The following ZMYND11 variants were observed in gnomAD, a reference collection of about 807,000 sequenced individuals.
ZMYND11 encodes the protein zinc finger MYND-type containing 11.
ZMYND11 carries 9 observed loss-of-function variants against 84.9 expected under a neutral mutation model. The observed-to-expected ratio is 0.11, with a 90% CI of 0.06 to 0.18. ZMYND11 has a LOEUF of 0.18. Among genes scored for constraint, ZMYND11 ranks in the 10% least tolerant of loss-of-function variants. The pLI, the probability that ZMYND11 is intolerant of heterozygous loss-of-function variation, is 1.00. For missense variants in ZMYND11, 409 were observed against 761.0 expected, an observed-to-expected ratio of 0.54 and a Z score of 5.44; for synonymous variants, 250 against 244.1, an observed-to-expected ratio of 1.02 and a Z score of -0.23.
At chr10:142,837 G>A (rs985238076) in intron 1 of ZMYND11, among the ~76,000 whole-genome samples, 8 of 152,116 alleles carry the variant, frequency 5.3e-5, no homozygotes, top group African/African-American at 1.7e-4. Flanking sequence ...CCAACTCACC[G>A]GTAATGACAG....
intron 1 of ZMYND11, among the ~76,000 whole-genome samples, chr10:179,672 A>G (rs1332365429): frequency 6.6e-6 from 1 of 152,208 alleles, no homozygotes; most frequent in Non-Finnish European, 1.5e-5. Context: ...ATGAAGTTTT[A>G]TCTTGGAGTA....
At chr10:246,501 T>C (rs1225243482) in intron 10 of ZMYND11, among the ~76,000 whole-genome samples, 1 of 152,240 alleles carries the variant, frequency 6.6e-6, no homozygotes. Flanking sequence ...CTGAGAACTT[T>C]TGTCGACTGT....
intron 1 of ZMYND11, among the ~76,000 whole-genome samples, chr10:140,969 T>C (rs180670971): frequency 6.6e-6 from 1 of 151,970 alleles, no homozygotes. Context: ...TGTATCAGAG[T>C]TTTAAAGGAA....
intron 1 of ZMYND11, among the ~76,000 whole-genome samples, chr10:144,016 A>AAC (rs1176238274): frequency 2.0e-5 from 3 of 151,804 alleles, no homozygotes; most frequent in Non-Finnish European, 4.4e-5. Flanking sequence ...TTAAAAAAAA[A>AAC]AAAAACTGCC....
intron 2 of ZMYND11, among the ~76,000 whole-genome samples, chr10:206,015 T>G (rs559858200): frequency 1.5e-5 from 2 of 133,968 alleles, no homozygotes; most frequent in African/African-American, 6.9e-5. Context: ...CCTAAGGTTG[T>G]TTTTTTTTTT....
chr10:191,509 A>G (rs1270106985), intron 2 of ZMYND11, among the ~76,000 whole-genome samples: 1 of 152,188 alleles, frequency 6.6e-6, no homozygotes, highest in Non-Finnish European at 1.5e-5. Flanking sequence ...CACGTGTTGG[A>G]ATTGGGAAGA....
intron 1 of ZMYND11, among the ~76,000 whole-genome samples, chr10:149,255 A>G (rs1349808827): frequency 6.6e-6 from 1 of 151,290 alleles, no homozygotes; most frequent in Non-Finnish European, 1.5e-5. Flanking sequence ...TGGCCTGGGA[A>G]TTGCTGTGAG....
chr10:248,265 A>C (rs954623301), intron 12 of ZMYND11, 71 bp from the exon 13 acceptor site: 96 of 1,541,450 alleles, frequency 6.2e-5, no homozygotes, highest in Non-Finnish European at 8.4e-5. Context: ...TTTTTATCCG[A>C]ATGGGGTAGT....
chr10:152,755 A>G (rs1421849625), intron 1 of ZMYND11, among the ~76,000 whole-genome samples: 1 of 152,230 alleles, frequency 6.6e-6, no homozygotes, highest in Non-Finnish European at 1.5e-5. Context: ...TCAACAGAAT[A>G]TGCATTCTTC....
intron 2 of ZMYND11, 112 bp from the exon 3 acceptor site, chr10:209,777 C>A: frequency 2.0e-6 from 2 of 1,022,222 alleles, no homozygotes. Flanking sequence ...CTCAACAGGA[C>A]TCTCATAAAT....
intron 4 of ZMYND11, among the ~76,000 whole-genome samples, chr10:231,537 G>A (rs1949017960): frequency 6.6e-6 from 1 of 152,100 alleles, no homozygotes; most frequent in African/African-American, 2.4e-5. Flanking sequence ...TACTAATAAA[G>A]GTATTCAGTC....
At position 213,718 on chromosome 10, in the gene ZMYND11, A is replaced by C. The variant is rs145917227; in HGVS notation, c.276+3670A>C. 2.6e-3 allele frequency among the ~76,000 whole-genome samples: 391 copies of C among 152,246 alleles called. 3 individuals carry two copies. Among genetic ancestry groups the C allele is most frequent in the African/African-American group, 9.0e-3 (374 of 41,548 alleles). ...CCTGAGATACTTTGTATCAGCAAAGAGTCTGGACTCTTGTCTTCAATTCCA... is the reference window on the plus strand; with the variant it reads ...CCTGAGATACTTTGTATCAGCAAAGCGTCTGGACTCTTGTCTTCAATTCCA... On this transcript the variant is annotated intron_variant, in intron 3 of 14. Transcript: ENST00000381604.
chr10:156,526 T>G (rs558195963), intron 1 of ZMYND11, among the ~76,000 whole-genome samples: 1 of 152,366 alleles, frequency 6.6e-6, no homozygotes, highest in South Asian at 2.1e-4. Context: ...GGTAGATCCT[T>G]TTTCTTCTGT....
intron 14 of ZMYND11, among the ~76,000 whole-genome samples, chr10:250,473 C>T (rs1365626751): frequency 1.3e-5 from 2 of 152,126 alleles, no homozygotes; most frequent in South Asian, 2.1e-4. Context: ...CCAGCCTGGG[C>T]GATGGAGCAA....
At position 246,946 on chromosome 10, in the gene ZMYND11, C is replaced by T. The variant is rs760366561; in HGVS notation, c.1131C>T (p.Ser377=). Residue 377 remains serine (S), a synonymous_variant, in exon 11 of 15, where the codon TCC becomes TCT. Coordinates refer to ENST00000381604, the MANE Select transcript of ZMYND11 (RefSeq NM_001370100.5). ...NEDRGEEEAE[S]SISSTSNEQL... The stretch of plus-strand genomic sequence containing the variant: ...ACCGAGGTGAGGAAGAGGCAGAATC[C>T]AGTATCTCCTCCACCAGTAATGAGC... 4 of 1,609,968 alleles carry T rather than the reference C, an allele frequency of 2.5e-6. No individual in the cohort carries two copies. The East Asian group carries it at 8.9e-5, about 36-fold the overall frequency.
chr10:180,179 G>A (rs1417511694), intron 2 of ZMYND11, 51 bp downstream of exon 2: 2 of 1,500,996 alleles, frequency 1.3e-6, no homozygotes, highest in African/African-American at 1.4e-5. Flanking sequence ...AGAAGACTTT[G>A]GGGGAAAGGC....
intron 3 of ZMYND11, among the ~76,000 whole-genome samples, chr10:219,608 G>T (rs1160765751): frequency 6.6e-6 from 1 of 152,048 alleles, no homozygotes; most frequent in East Asian, 1.9e-4. Context: ...ATCTCAAATG[G>T]ATACACCAAG....
intron 4 of ZMYND11, among the ~76,000 whole-genome samples, chr10:228,255 G>T (rs1277732462): frequency 6.6e-6 from 1 of 152,194 alleles, no homozygotes; most frequent in Non-Finnish European, 1.5e-5. Flanking sequence ...TTTAACAGTG[G>T]TTATGATCAG....
At chr10:160,017 T>A (rs1842616413) in intron 1 of ZMYND11, among the ~76,000 whole-genome samples, 1 of 152,206 alleles carries the variant, frequency 6.6e-6, no homozygotes, top group Non-Finnish European at 1.5e-5. Context: ...CCCAAAGCAG[T>A]ATTGAGTAAG....
Sources: allele counts gnomAD v4.1 joint callset (sites outside exome capture counted in the v4.1 genomes callset), GRCh38; gene constraint gnomAD v4.1.1; transcripts MANE v1.5; gene names NCBI Gene and HGNC (gene_info 2026-07-23, HGNC 2026-07-21).